Variants in EEF2K observed in about 807,000 individuals in gnomAD.
EEF2K encodes eukaryotic elongation factor 2 kinase.
A neutral mutation model predicts 93.8 loss-of-function variants in EEF2K; 70 were observed. That is an observed-to-expected ratio of 0.75 (90% confidence interval 0.62 to 0.91). EEF2K has a LOEUF of 0.91. Among genes scored for constraint, EEF2K ranks in the 40% least tolerant of loss-of-function variants. The probability of loss-of-function intolerance (pLI) is 0.00; values close to 1 mark genes in which losing one functional copy is unlikely to be tolerated. For synonymous variants in EEF2K, 376 were observed against 380.8 expected (o/e 0.99, Z 0.15); for missense variants, 935 against 972.9 (o/e 0.96, Z 0.52).
chr16:22,227,729 A>G (rs1325841385), intron 2 of EEF2K, among the ~76,000 whole-genome samples: 1 of 152,126 alleles, frequency 6.6e-6, no homozygotes, highest in Non-Finnish European at 1.5e-5. Flanking sequence ...CGGAGAAACA[A>G]ATATAATAAC....
intron 1 of EEF2K, among the ~76,000 whole-genome samples, chr16:22,213,249 C>A (rs769860607): frequency 6.6e-6 from 1 of 152,190 alleles, no homozygotes; most frequent in Non-Finnish European, 1.5e-5. Flanking sequence ...TGCTGCACTC[C>A]AGCCTGGGCG....
chr16:22,237,244 C>T (rs2141660144), intron 2 of EEF2K, among the ~76,000 whole-genome samples: 1 of 151,988 alleles, frequency 6.6e-6, no homozygotes, highest in South Asian at 2.1e-4. Flanking sequence ...CACACCCGGC[C>T]CATAGCCCTC....
Position 22,264,823 on chromosome 16 carries a change from C to T in EEF2K, c.1383C>T (p.His461=), listed in dbSNP as rs769409973. 11 of 1,613,934 alleles carry T rather than the reference C, an allele frequency of 6.8e-6. No homozygotes were observed. The highest frequency in any genetic ancestry group is 7.6e-6 in the Non-Finnish European group (9 of 1,179,972). Residue 461 remains histidine (H), a synonymous_variant, in exon 13 of 18, where the codon CAC becomes CAT. Coordinates refer to ENST00000263026, the MANE Select transcript of EEF2K (RefSeq NM_013302.5). Reference sequence around the variant, plus strand: ...TAATTTCTTCCTCCGTTCAGGGCCACTCATACAGTAATCGGAAGTACGAGT... The same window carrying T: ...TAATTTCTTCCTCCGTTCAGGGCCATTCATACAGTAATCGGAAGTACGAGT... ...LDDPEPREHG[H]SYSNRKYESD... is the part of the protein sequence containing the mutation.
At chr16:22,269,297 T>C (rs1432815445) in intron 15 of EEF2K, among the ~76,000 whole-genome samples, 1 of 152,108 alleles carries the variant, frequency 6.6e-6, no homozygotes, top group African/African-American at 2.4e-5. Flanking sequence ...GAAATCTCTG[T>C]CTCCATCTTT....
At chr16:22,273,432 T>C (rs1415483578) in intron 15 of EEF2K, among the ~76,000 whole-genome samples, 194 bp from the exon 16 acceptor site, 2 of 152,096 alleles carry the variant, frequency 1.3e-5, no homozygotes, top group Non-Finnish European at 2.9e-5. Context: ...CATCCCTGTT[T>C]TAGCTTGTCC....
Position 22,266,407 on chromosome 16 carries a change from GA to G in EEF2K, c.1460del (p.Asn487IlefsTer96). ...SSGRVCVEKW[N>X]LLNSSRLHLP... is the part of the protein sequence containing the mutation. ...CCCTTCAGGTATGTGTAGAGAAGTG[GA>G]ATCTCCTCAACTCCTCCCGCCTCCA... On this transcript the variant is annotated frameshift_variant, in exon 14 of 18. Coordinates refer to ENST00000263026, the MANE Select transcript of EEF2K (RefSeq NM_013302.5). LOFTEE classifies it high-confidence loss of function. 2 of 1,614,094 alleles carry G rather than the reference GA, an allele frequency of 1.2e-6. No homozygotes were observed. Among genetic ancestry groups the G allele is most frequent in the Non-Finnish European group, 1.7e-6 (2 of 1,180,016 alleles).
At chr16:22,217,228 T>TAGATAGATAGAGAG (rs1555468299) in intron 1 of EEF2K, among the ~76,000 whole-genome samples, 17 of 136,096 alleles carry the variant, frequency 1.2e-4, no homozygotes, top group South Asian at 1.2e-3. Context: ...GATAGATAGA[T>TAGATAGATAGAGAG]AGAGAGAGAG....
At chr16:22,218,100 T>G (rs2046976378) in intron 1 of EEF2K, among the ~76,000 whole-genome samples, 1 of 152,198 alleles carries the variant, frequency 6.6e-6, no homozygotes, top group Non-Finnish European at 1.5e-5. Context: ...GCTAGAATAG[T>G]TTGACTGTAA....
Position 22,280,242 on chromosome 16 carries a change from T to C in EEF2K, c.1934T>C (p.Leu645Pro). The C allele has an allele frequency of 6.3e-7, 1 of 1,599,590 alleles. No homozygotes were observed. Among genetic ancestry groups the C allele is most frequent in the Non-Finnish European group, 8.5e-7 (1 of 1,173,184 alleles). ...GCCCTGCACTGGTACAACACTGCCC[T>C]GGAGATGACGGACTGTGATGAGGGC... Reference protein sequence around the residue: ...LEALHWYNTALEMTDCDEGGE... With the variant: ...LEALHWYNTAPEMTDCDEGGE... The change falls in exon 17 of 18, where the codon CTG (leucine) becomes CCG (proline). Residue 645 changes from leucine (L) to proline (P), a missense_variant. Physicochemically the swap from Leu to Pro is moderately conservative, Grantham distance 98. Transcript: ENST00000263026.
intron 12 of EEF2K, among the ~76,000 whole-genome samples, chr16:22,264,555 A>AGT (rs1405039091): frequency 1.3e-5 from 2 of 152,162 alleles, no homozygotes; most frequent in Non-Finnish European, 2.9e-5. Flanking sequence ...CCATCAAGTC[A>AGT]GTTCCACCTG....
In EEF2K at chr16:22,241,580, A is replaced by T. The variant is rs559174772; in HGVS notation, c.247-3050A>T. 5.0e-5 allele frequency among the ~76,000 whole-genome samples: 7 copies of T among 139,266 alleles called. No individual in the cohort carries two copies. The Admixed American group carries it at 5.4e-4, about 11-fold the overall frequency. The allele number at this position is 139,266 out of a possible 152,430, so 91.4% of individuals were successfully genotyped here. ...AAATTGCTTGAACCCAGGAGGTTGCAGTGAGCTGAGATCACCCCACTGCAC... is the reference window on the plus strand; with the variant it reads ...AAATTGCTTGAACCCAGGAGGTTGCTGTGAGCTGAGATCACCCCACTGCAC... On this transcript the variant is annotated intron_variant, in intron 2 of 17. Coordinates refer to ENST00000263026, the MANE Select transcript of EEF2K (RefSeq NM_013302.5).
At chr16:22,223,874 T>G (rs1472548218) in intron 1 of EEF2K, among the ~76,000 whole-genome samples, 2 of 152,158 alleles carry the variant, frequency 1.3e-5, no homozygotes, top group Non-Finnish European at 2.9e-5. Flanking sequence ...TTTGGGGTTG[T>G]TGGGTTTTGT....
chr16:22,239,313 G>A (rs1358515096), intron 2 of EEF2K, among the ~76,000 whole-genome samples: 1 of 152,126 alleles, frequency 6.6e-6, no homozygotes, highest in Non-Finnish European at 1.5e-5. Context: ...CCTGTTAGTG[G>A]CTTACGGAGT....
In EEF2K at chr16:22,264,790, G is replaced by C. The variant is rs184670926; in HGVS notation, c.1378-28G>C. On this transcript the variant is annotated intron_variant, in intron 12 of 17. Coordinates refer to ENST00000263026, the MANE Select transcript of EEF2K (RefSeq NM_013302.5). ...TCCTGGGAAGAAGCTTGTCGCTTTG[G>C]ATCAGTGTAATTTCTTCCTCCGTTC... 1,302 of 1,613,076 alleles carry C rather than the reference G, an allele frequency of 8.1e-4. 8 individuals are homozygous for C. The highest frequency in any genetic ancestry group is 4.0e-3 in the South Asian group (366 of 91,004).
chr16:22,236,977 C>T (rs1214090298), intron 2 of EEF2K, among the ~76,000 whole-genome samples: 1 of 105,536 alleles, frequency 9.5e-6, no homozygotes, highest in Non-Finnish European at 1.7e-5. Flanking sequence ...CAGAGTCTTG[C>T]TCTGTCACCC....
chr16:22,280,348 C>T lies in EEF2K; in HGVS notation c.2040C>T (p.Tyr680=), dbSNP rs150317840. Residue 680 remains tyrosine (Y), a synonymous_variant, in exon 17 of 18, where the codon TAC becomes TAT. Transcript: ENST00000263026. ...CCGAGATGCTGTTCACAGGAGGCTA[C>T]GGGCTGGAGAAGGACCCGCAGAGAT... ...REAEMLFTGG[Y]GLEKDPQRSG... 3.6e-5 allele frequency: 57 copies of T among 1,593,236 alleles called. No homozygotes were observed. Among genetic ancestry groups the T allele is most frequent in the African/African-American group, 5.4e-5 (4 of 74,174 alleles).
chr16:22,253,840 T>G (rs2047374246), intron 6 of EEF2K, among the ~76,000 whole-genome samples: 1 of 152,110 alleles, frequency 6.6e-6, no homozygotes. Flanking sequence ...GGCTCATGCC[T>G]GTAATCCCAG....
chr16:22,265,380 C>T (rs1270750394), intron 13 of EEF2K: 1 of 152,942 alleles, frequency 6.5e-6, no homozygotes, highest in Admixed American at 6.5e-5. Context: ...TTGAACTGCC[C>T]ATCTTTGGAG....
At chr16:22,279,865 G>T (rs1469670616) in intron 16 of EEF2K, among the ~76,000 whole-genome samples, 3 of 152,080 alleles carry the variant, frequency 2.0e-5, no homozygotes, top group Non-Finnish European at 4.4e-5. Flanking sequence ...GTGTGGTGGC[G>T]TGCACCTGTA....
Sources: gnomAD v4.1 joint callset for allele counts (sites outside exome capture counted in the v4.1 genomes callset) on GRCh38, gnomAD v4.1.1 for gene constraint, MANE v1.5 for transcripts, NCBI Gene and HGNC (gene_info 2026-07-23, HGNC 2026-07-21) for gene names.